Variants in FAM228B observed in about 807,000 individuals in gnomAD.
The protein encoded by FAM228B is family with sequence similarity 228 member B.
In FAM228B, 38 loss-of-function variants were observed where a neutral mutation model predicts 42.6. The ratio of observed to expected loss-of-function variants is 0.89; its 90% confidence interval spans 0.69 to 1.17. The LOEUF (loss-of-function observed/expected upper bound fraction) is 1.17, where lower values mean the gene tolerates loss of function less well. Among genes scored for constraint, FAM228B ranks in the 50% most tolerant of loss-of-function variants. The pLI, the probability that FAM228B is intolerant of heterozygous loss-of-function variation, is 0.00. For missense variants in FAM228B, 344 were observed against 367.3 expected, an observed-to-expected ratio of 0.94 and a Z score of 0.52; for synonymous variants, 109 against 122.3, an observed-to-expected ratio of 0.89 and a Z score of 0.72.
At chr2:24,142,577 A>G (rs1402276025) in intron 5 of FAM228B, 1 of 152,206 alleles carries the variant, frequency 6.6e-6, no homozygotes, top group East Asian at 1.9e-4. Flanking sequence ...TGTGAGCTGA[A>G]CTGGCTGCTT....
intron 5 of FAM228B, among the ~76,000 whole-genome samples, chr2:24,141,532 C>A (rs1666746777): frequency 6.6e-6 from 1 of 152,182 alleles, no homozygotes; most frequent in African/African-American, 2.4e-5. Context: ...GCTTGAGCCA[C>A]CGCGCCCGGC....
At chr2:24,155,996 T>C (rs995493871) in intron 7 of FAM228B, among the ~76,000 whole-genome samples, 2 of 152,180 alleles carry the variant, frequency 1.3e-5, no homozygotes, top group Non-Finnish European at 2.9e-5. Flanking sequence ...CATAGCCTTA[T>C]GTAGAAGGTG....
intron 2 of FAM228B, among the ~76,000 whole-genome samples, chr2:24,129,994 G>A (rs1338959272): frequency 6.6e-6 from 1 of 152,118 alleles, no homozygotes; most frequent in Non-Finnish European, 1.5e-5. Context: ...CCTGATGTGT[G>A]TTGTTCCCCT....
intron 3 of FAM228B, among the ~76,000 whole-genome samples, chr2:24,113,078 G>C (rs1340993420): frequency 1.3e-5 from 2 of 151,982 alleles, no homozygotes; most frequent in African/African-American, 4.8e-5. Context: ...TTTACAACTT[G>C]CCTTCCCCAC....
At chr2:24,139,645 T>C (rs1666700434) in intron 5 of FAM228B, among the ~76,000 whole-genome samples, 195 bp downstream of exon 5, 1 of 152,098 alleles carries the variant, frequency 6.6e-6, no homozygotes, top group South Asian at 2.1e-4. Flanking sequence ...AAGTGGAAAA[T>C]ACTGGATAAT....
rs1027973788 is a variant in FAM228B at position 24,110,698 on chromosome 2, G to A, written c.-121+15469G>A. Among the ~76,000 whole-genome samples the A allele has an allele frequency of 5.9e-5, 9 of 152,182 alleles. 1 individual carries two copies. The highest frequency in any genetic ancestry group is 2.6e-4 in the Admixed American group (4 of 15,286). On this transcript the variant is annotated intron_variant, in intron 3 of 10. Transcript: ENST00000613899. ...CATCCTTTATAAGAAAACTGCAATC[G>A]TAAGTGCAGTGTAGCCTTTTCATGA...
chr2:24,123,717 C>T (rs1666212347), intron 1 of FAM228B, among the ~76,000 whole-genome samples, 184 bp downstream of exon 1: 1 of 151,542 alleles, frequency 6.6e-6, no homozygotes, highest in African/African-American at 2.4e-5. Context: ...CCGGGCGGTC[C>T]CCGCGCACGA....
chr2:24,127,232 TATA>T (rs1268261333), intron 2 of FAM228B, among the ~76,000 whole-genome samples: 2 of 152,228 alleles, frequency 1.3e-5, no homozygotes, highest in East Asian at 1.9e-4. Context: ...TTTCACTTAG[TATA>T]ATGTTTTCAA....
chr2:24,135,172 A>C lies in FAM228B; in HGVS notation c.153A>C (p.Glu51Asp), dbSNP rs767374669. 5.5e-5 allele frequency: 82 copies of C among 1,493,862 alleles called. No individual in the cohort carries two copies. The highest frequency in any genetic ancestry group is 7.0e-5 in the Non-Finnish European group (78 of 1,107,234). 92.5% of individuals were successfully genotyped at this position (1,493,862 alleles called of 1,614,324 possible). Residue 51 changes from glutamate to aspartate, a missense_variant, in exon 3 of 11, where the codon GAA becomes GAC. Physicochemically the swap from Glu to Asp is conservative, Grantham distance 45. Transcript: ENST00000615575. ...EAAIQSILYK[E>D]NSVIKELDKY... ...CTATTCAATCAATATTATACAAAGA[A>C]AATTCTGTAATTAAGGTAAGAATTG...
chr2:24,164,863 C>G (rs1169299945), intron 9 of FAM228B, among the ~76,000 whole-genome samples: 1 of 152,152 alleles, frequency 6.6e-6, no homozygotes, highest in Non-Finnish European at 1.5e-5. Flanking sequence ...CGCTTCCTCA[C>G]TCGGCACCTT....
chr2:24,136,888 A>G (rs184109681), intron 3 of FAM228B, among the ~76,000 whole-genome samples: 1 of 152,164 alleles, frequency 6.6e-6, no homozygotes, highest in Non-Finnish European at 1.5e-5. Flanking sequence ...CCTTACTCCA[A>G]ACTGACAGTT....
chr2:24,122,584 G>T, upstream of FAM228B: 3 of 1,328,256 alleles, frequency 2.3e-6, no homozygotes, highest in Non-Finnish European at 3.2e-6. Flanking sequence ...ATTGACTCTG[G>T]CTAGCTTTTA....
intron 2 of FAM228B, among the ~76,000 whole-genome samples, chr2:24,126,315 C>G (rs1404607936): frequency 1.3e-5 from 2 of 152,176 alleles, no homozygotes; most frequent in African/African-American, 2.4e-5. Context: ...GTTTCATAAT[C>G]TAGCCAACAT....
intron 3 of FAM228B, among the ~76,000 whole-genome samples, chr2:24,135,669 G>C: frequency 6.6e-6 from 1 of 152,300 alleles, no homozygotes; most frequent in African/African-American, 2.4e-5. Context: ...AAAAAGGAAA[G>C]GAACTAACAT....
intron 9 of FAM228B, among the ~76,000 whole-genome samples, chr2:24,167,207 G>T (rs891391665): frequency 6.6e-6 from 1 of 152,180 alleles, no homozygotes; most frequent in Non-Finnish European, 1.5e-5. Context: ...AGGGCTCCAG[G>T]CTCCAGCGTG....
At position 24,146,805 on chromosome 2, in the gene FAM228B, G is replaced by C. The variant is rs924396619; in HGVS notation, c.499G>C (p.Glu167Gln). 9 of 1,548,956 alleles carry C rather than the reference G, an allele frequency of 5.8e-6. No individual in the cohort carries two copies. Among genetic ancestry groups the C allele is most frequent in the African/African-American group, 1.4e-5 (1 of 72,922 alleles). Residue 167 changes from glutamate to glutamine, a missense_variant, in exon 6 of 11, where the codon GAA becomes CAA. By Grantham distance (29) the Glu-to-Gln change is conservative (BLOSUM62 2). Coordinates refer to ENST00000615575, the MANE Select transcript of FAM228B (RefSeq NM_001145710.2). ...AAAAGCACAATATGACAAGGATAAC[G>C]AAAAAAGAACTCTTCTTCAGTGTGA... Reference protein sequence around the residue: ...LKKAQYDKDNEKRTLLQCETG... With the variant: ...LKKAQYDKDNQKRTLLQCETG...
chr2:24,113,845 C>T (rs539179419), intron 3 of FAM228B, among the ~76,000 whole-genome samples: 65 of 152,102 alleles, frequency 4.3e-4, no homozygotes, highest in Non-Finnish European at 9.0e-4. Flanking sequence ...CCATTGCACG[C>T]CAGCCTGGGT....
chr2:24,150,457 C>T (rs1207759166), intron 7 of FAM228B, among the ~76,000 whole-genome samples: 1 of 151,920 alleles, frequency 6.6e-6, no homozygotes, highest in East Asian at 1.9e-4. Context: ...GACAGAGTCT[C>T]ACTGTCACCC....
upstream of FAM228B, chr2:24,119,797 T>C (rs1666038779): frequency 1.4e-5 from 10 of 693,962 alleles, no homozygotes; most frequent in Non-Finnish European, 1.9e-5. Context: ...GGAATATATA[T>C]GGAATATACA....
Sources: allele counts gnomAD v4.1 joint callset (sites outside exome capture counted in the v4.1 genomes callset), GRCh38; gene constraint gnomAD v4.1.1; transcripts MANE v1.5; gene names NCBI Gene and HGNC (gene_info 2026-07-23, HGNC 2026-07-21).